The following GK variants were observed in gnomAD, a reference collection of about 807,000 sequenced individuals.
GK encodes the protein ATP:glycerol 3-phosphotransferase.
GK carries 9 observed loss-of-function variants against 56.4 expected under a neutral mutation model. That is an observed-to-expected ratio of 0.16 (90% CI 0.10 to 0.28). The LOEUF is 0.28. Among genes scored for constraint, GK ranks in the 10% least tolerant of loss-of-function variants. The probability of loss-of-function intolerance (pLI) is 1.00; values close to 1 mark genes in which losing one functional copy is unlikely to be tolerated. For missense variants in GK, 161 were observed against 431.4 expected (o/e 0.37, Z 5.55); for synonymous variants, 104 against 144.1 (o/e 0.72, Z 1.99).
intron 4 of GK, among the ~76,000 whole-genome samples, chrX:30,679,367 A>G (rs1253613865): frequency 4.6e-5 from 5 of 109,736 alleles, no homozygotes; most frequent in Non-Finnish European, 9.5e-5. Flanking sequence ...ATAGGTGTGC[A>G]CCATTATGCC....
intron 5 of GK, among the ~76,000 whole-genome samples, chrX:30,693,141 T>C (rs1287245657): frequency 1.9e-5 from 2 of 105,356 alleles, no homozygotes; most frequent in African/African-American, 3.5e-5. Context: ...CTCAGCCTCC[T>C]GTGTAGCTGG....
rs377501703 is a variant in GK at position 30,727,476 on chromosome X, T to C, written c.1593T>C (p.Ser531=). ...TTQSPESGDP[S]IFCSLPLGFF... The stretch of plus-strand genomic sequence containing the variant: ...CTTGGATGACCACAGGTGACCCTAG[T>C]ATCTTCTGTAGTCTGCCCTTGGGCT... The change falls in exon 20 of 21, where the codon AGT becomes AGC. Residue 531 remains serine, a synonymous_variant. Transcript: ENST00000427190. 4 of 1,175,849 alleles carry C rather than the reference T, an allele frequency of 3.4e-6. No homozygotes were observed. Among genetic ancestry groups the C allele is most frequent in the African/African-American group, 3.6e-5 (2 of 56,296 alleles).
intron 14 of GK, 65 bp downstream of exon 14, chrX:30,718,681 G>A (rs1936747544): frequency 1.5e-6 from 1 of 665,543 alleles, no homozygotes; most frequent in Non-Finnish European, 2.5e-6. Context: ...TTTTATCTCT[G>A]CAAAGTAAAT....
At chrX:30,674,196 T>C (rs1336187064) in intron 3 of GK, 1 of 305,095 alleles carries the variant, frequency 3.3e-6, no homozygotes, top group Non-Finnish European at 6.4e-6. Flanking sequence ...AGACCCAGAG[T>C]CACACTGCTA....
intron 11 of GK, among the ~76,000 whole-genome samples, chrX:30,703,624 A>C (rs1935811223): frequency 8.9e-6 from 1 of 111,913 alleles, no homozygotes; most frequent in Non-Finnish European, 1.9e-5. Flanking sequence ...GGCAGGCTGT[A>C]TGTTGCACAC....
At chrX:30,711,525 C>T (rs944496748) in intron 13 of GK, among the ~76,000 whole-genome samples, 8 of 111,545 alleles carry the variant, frequency 7.2e-5, no homozygotes, top group Admixed American at 1.9e-4. Flanking sequence ...TCTACCATTA[C>T]CTCCATCCTC....
chrX:30,714,279 G>C (rs1374658831), intron 13 of GK, among the ~76,000 whole-genome samples: 1 of 111,801 alleles, frequency 8.9e-6, no homozygotes. Context: ...CACATTTATT[G>C]TTTCTCAGTT....
At chrX:30,708,482 T>C (rs900098066) in intron 13 of GK, among the ~76,000 whole-genome samples, 2 of 111,090 alleles carry the variant, frequency 1.8e-5, no homozygotes, top group African/African-American at 6.5e-5. Flanking sequence ...TCTTTGATTT[T>C]ATAAATAAAA....
intron 19 of GK, among the ~76,000 whole-genome samples, chrX:30,726,691 G>T (rs756574076): frequency 1.8e-5 from 2 of 111,638 alleles, no homozygotes; most frequent in East Asian, 5.6e-4. Context: ...AATGCTAGTT[G>T]TATTCCTTTA....
rs754011100 is a variant in GK, at chrX:30,694,393, G to C, written c.415-7G>C. The C allele has an allele frequency of 1.7e-6, 2 of 1,200,584 alleles. No individual in the cohort carries two copies. Among genetic ancestry groups the C allele is most frequent in the East Asian group, 5.9e-5 (2 of 33,777 alleles). ...CATTTGCTAACTGAACTTCACAACT[G>C]TTTTAGTCCAAGACAGGCCTTCCAC... On this transcript the variant is annotated splice_polypyrimidine_tract_variant and splice_region_variant and intron_variant, in intron 5 of 20. Coordinates refer to ENST00000427190, the MANE Select transcript of GK (RefSeq NM_001205019.2).
intron 1 of GK, among the ~76,000 whole-genome samples, chrX:30,663,423 A>T (rs1053404698): frequency 2.7e-5 from 3 of 111,627 alleles, no homozygotes; most frequent in African/African-American, 9.8e-5. Context: ...GTTCCTAGGG[A>T]TACTTCAGTG....
At chrX:30,671,132 A>C (rs1212654183) in intron 3 of GK, among the ~76,000 whole-genome samples, 1 of 108,510 alleles carries the variant, frequency 9.2e-6, no homozygotes, top group African/African-American at 3.4e-5. Context: ...TCTACTAAAA[A>C]TACAAAAAAT....
At chrX:30,699,785 T>C (rs1159047150) in intron 9 of GK, among the ~76,000 whole-genome samples, 1 of 111,684 alleles carries the variant, frequency 9.0e-6, no homozygotes, top group Non-Finnish European at 1.9e-5. Flanking sequence ...ATCTCATTTT[T>C]CTTCCTAGAA....
intron 3 of GK, among the ~76,000 whole-genome samples, chrX:30,675,319 C>T (rs932484408): frequency 9.4e-6 from 1 of 106,941 alleles, no homozygotes; most frequent in Admixed American, 1.0e-4. Context: ...CCTCAGCCTC[C>T]CGAGTAGCTG....
chrX:30,684,614 T>C (rs1934478473), intron 4 of GK, among the ~76,000 whole-genome samples: 1 of 93,636 alleles, frequency 1.1e-5, no homozygotes, highest in Admixed American at 1.4e-4. Flanking sequence ...TGCAGTGAGC[T>C]GAGATCGCGC....
At chrX:30,655,850 G>T (rs1932227621) in intron 1 of GK, among the ~76,000 whole-genome samples, 1 of 111,996 alleles carries the variant, frequency 8.9e-6, no homozygotes, top group Non-Finnish European at 1.9e-5. Context: ...ACAATTAATT[G>T]TTCAGTCTGT....
At chrX:30,667,133 G>A (rs1391165792) in intron 2 of GK, among the ~76,000 whole-genome samples, 1 of 110,256 alleles carries the variant, frequency 9.1e-6, no homozygotes, top group African/African-American at 3.3e-5. Context: ...CAGCCTGGAC[G>A]ACAGAGCGAG....
chrX:30,724,144 G>A lies in GK; in HGVS notation c.1545G>A (p.Lys515=), dbSNP rs774350080. 55 of 1,178,385 alleles carry A rather than the reference G, an allele frequency of 4.7e-5. 1 individual carries two copies. In the Admixed American group the frequency reaches 1.2e-3, roughly 25 times the overall value. ...CTACATGGAAGAAAGCTGTGATGAAGTCAATGGGTTGGGTTACAACTCAAT... is the reference window on the plus strand; with the variant it reads ...CTACATGGAAGAAAGCTGTGATGAAATCAATGGGTTGGGTTACAACTCAAT... ...RYSTWKKAVM[K]SMGWVTTQSP... is the part of the protein sequence containing the mutation. The change falls in exon 19 of 21, where the codon AAG becomes AAA. Residue 515 remains lysine, a synonymous_variant. Transcript: ENST00000427190.
chrX:30,694,665 A>G (rs1365735923), intron 6 of GK, 128 bp downstream of exon 6: 2 of 549,052 alleles, frequency 3.6e-6, no homozygotes, highest in African/African-American at 4.7e-5. Flanking sequence ...ACCACTCAAA[A>G]AGCAACAGGA....
Sources: allele counts gnomAD v4.1 joint callset (sites outside exome capture counted in the v4.1 genomes callset), GRCh38; gene constraint gnomAD v4.1.1; transcripts MANE v1.5; gene names NCBI Gene and HGNC (gene_info 2026-07-23, HGNC 2026-07-21).